The following ZNF385D variants were observed in gnomAD, a reference collection of about 807,000 sequenced individuals.
ZNF385D encodes zinc finger protein 385D.
Under a neutral mutation model 35.8 loss-of-function variants are expected in ZNF385D, and 15 were observed. The observed-to-expected ratio is 0.42, with a 90% confidence interval of 0.28 to 0.64. The LOEUF (loss-of-function observed/expected upper bound fraction) is 0.64. Ranked by LOEUF, ZNF385D falls within the 30% of genes least tolerant of loss-of-function variation. The probability of loss-of-function intolerance (pLI) is 0.23; values close to 1 mark genes in which losing one functional copy is unlikely to be tolerated. For missense variants in ZNF385D, 474 were observed against 494.6 expected (o/e 0.96, Z 0.39); for synonymous variants, 212 against 186.8 (o/e 1.13, Z -1.10).
intron 2 of ZNF385D, among the ~76,000 whole-genome samples, chr3:22,309,830 C>G (rs1287831528): frequency 6.6e-6 from 1 of 151,886 alleles, no homozygotes; most frequent in African/African-American, 2.4e-5. Context: ...TTCAGATTAC[C>G]TTCCCTTGAT....
intron 2 of ZNF385D, among the ~76,000 whole-genome samples, chr3:22,367,428 G>C (rs1696705625): frequency 6.6e-6 from 1 of 152,162 alleles, no homozygotes; most frequent in African/African-American, 2.4e-5. Flanking sequence ...ACTGTGAATA[G>C]AATATACTAT....
intron 3 of ZNF385D, among the ~76,000 whole-genome samples, chr3:21,825,602 T>C (rs1178545604): frequency 6.6e-6 from 1 of 152,228 alleles, no homozygotes; most frequent in African/African-American, 2.4e-5. Context: ...TTGTCTTTCC[T>C]CATGGTCACA....
At chr3:22,135,225 AT>A (rs1317680448) in intron 3 of ZNF385D, among the ~76,000 whole-genome samples, 1 of 152,114 alleles carries the variant, frequency 6.6e-6, no homozygotes, top group Non-Finnish European at 1.5e-5. Context: ...CAACTTCAAA[AT>A]TTGCAAAGAA....
intron 2 of ZNF385D, among the ~76,000 whole-genome samples, chr3:22,329,639 T>A (rs959186793): frequency 6.6e-6 from 1 of 152,224 alleles, no homozygotes; most frequent in Non-Finnish European, 1.5e-5. Flanking sequence ...ATCCCTCTGA[T>A]ACTATTTGCT....
intron 1 of ZNF385D, among the ~76,000 whole-genome samples, chr3:21,717,333 G>A (rs1449885195): frequency 6.6e-6 from 1 of 152,130 alleles, no homozygotes; most frequent in African/African-American, 2.4e-5. Context: ...TGCACAGGAG[G>A]ATATTCTGAA....
chr3:21,922,796 A>G (rs771932617), intron 3 of ZNF385D, among the ~76,000 whole-genome samples: 4 of 152,206 alleles, frequency 2.6e-5, no homozygotes, highest in African/African-American at 4.8e-5. Context: ...GTGAGACCCA[A>G]TTAAACAAAA....
chr3:22,342,618 AACAG>A (rs769679345), intron 2 of ZNF385D, among the ~76,000 whole-genome samples: 2 of 152,338 alleles, frequency 1.3e-5, no homozygotes, highest in African/African-American at 2.4e-5. Context: ...ACCTACATGC[AACAG>A]ACAGTTACTG....
chr3:21,709,927 C>T lies in ZNF385D; in HGVS notation c.22+40968G>A, dbSNP rs527407401. ...ATGAAGTGAACAGATTGACAAGCTA[C>T]GGCACACCCATACGTGGAATTCTTC... On this transcript the variant is annotated intron_variant, in intron 1 of 7. Transcript: ENST00000281523. Among the ~76,000 whole-genome samples, 13 of 152,246 alleles carry T rather than the reference C, an allele frequency of 8.5e-5. No homozygotes were observed. In the East Asian group the frequency reaches 9.7e-4, roughly 11 times the overall value.
At chr3:21,783,268 T>G (rs1274881936) in intron 3 of ZNF385D, among the ~76,000 whole-genome samples, 1 of 152,108 alleles carries the variant, frequency 6.6e-6, no homozygotes, top group Non-Finnish European at 1.5e-5. Context: ...AGGGTTTATG[T>G]GCAATGGGTT....
intron 2 of ZNF385D, among the ~76,000 whole-genome samples, chr3:22,318,762 T>G (rs899148262): frequency 6.6e-6 from 1 of 151,950 alleles, no homozygotes; most frequent in African/African-American, 2.4e-5. Flanking sequence ...GAATGAACAA[T>G]GTAGAAGTAA....
chr3:22,352,448 T>A (rs1049564922), intron 2 of ZNF385D, among the ~76,000 whole-genome samples: 1 of 152,224 alleles, frequency 6.6e-6, no homozygotes, highest in Non-Finnish European at 1.5e-5. Context: ...AGGTTTGCAT[T>A]TTCCAAGGTG....
At chr3:22,255,652 C>T (rs893036290) in intron 2 of ZNF385D, among the ~76,000 whole-genome samples, 3 of 150,670 alleles carry the variant, frequency 2.0e-5, no homozygotes, top group African/African-American at 7.3e-5. Flanking sequence ...AACATCATAA[C>T]ATCACATTTC....
At chr3:22,313,857 C>T (rs1703731202) in intron 2 of ZNF385D, among the ~76,000 whole-genome samples, 1 of 152,168 alleles carries the variant, frequency 6.6e-6, no homozygotes, top group African/African-American at 2.4e-5. Context: ...TAGTTGGATT[C>T]AAAGGTGGAA....
chr3:22,267,687 C>T (rs539924976), intron 2 of ZNF385D, among the ~76,000 whole-genome samples: 47 of 151,942 alleles, frequency 3.1e-4, no homozygotes, highest in Non-Finnish European at 4.9e-4. Flanking sequence ...GTGCAAATAA[C>T]GAATCAACTT....
intron 3 of ZNF385D, among the ~76,000 whole-genome samples, chr3:22,010,706 C>G (rs1221336784): frequency 6.6e-6 from 1 of 152,150 alleles, no homozygotes; most frequent in Non-Finnish European, 1.5e-5. Context: ...TCGCTCAGAG[C>G]CAGAAGAGAA....
At chr3:21,744,311 C>T (rs1187293978) in intron 1 of ZNF385D, among the ~76,000 whole-genome samples, 1 of 152,208 alleles carries the variant, frequency 6.6e-6, no homozygotes, top group Non-Finnish European at 1.5e-5. Flanking sequence ...AGTACATTTA[C>T]ATTCCTTATT....
At chr3:21,642,342 T>C (rs1301037603) in intron 2 of ZNF385D, among the ~76,000 whole-genome samples, 2 of 151,980 alleles carry the variant, frequency 1.3e-5, no homozygotes, top group African/African-American at 2.4e-5. Context: ...TTAACCTCAC[T>C]CTTTGTGTGT....
chr3:21,444,144 A>G (rs999072331), intron 4 of ZNF385D, among the ~76,000 whole-genome samples: 1 of 149,246 alleles, frequency 6.7e-6, no homozygotes, highest in African/African-American at 2.5e-5. Flanking sequence ...CAGTTGCACA[A>G]TCTCGGCCCA....
At chr3:21,916,375 C>T (rs1200468132) in intron 3 of ZNF385D, among the ~76,000 whole-genome samples, 1 of 151,998 alleles carries the variant, frequency 6.6e-6, no homozygotes, top group African/African-American at 2.4e-5. Flanking sequence ...ATTTGATTTT[C>T]TGTTGGGTTG....
Sources: allele counts gnomAD v4.1 joint callset (sites outside exome capture counted in the v4.1 genomes callset), GRCh38; gene constraint gnomAD v4.1.1; transcripts MANE v1.5; gene names NCBI Gene and HGNC (gene_info 2026-07-23, HGNC 2026-07-21).